DHRSX: variants seen among roughly 807,000 people sequenced by gnomAD.
DHRSX encodes the protein polyprenol dehydrogenase.
Under a neutral mutation model 34.0 loss-of-function variants are expected in DHRSX, and 31 were observed. That is an observed-to-expected ratio of 0.91 (90% CI 0.69 to 1.23). The LOEUF (loss-of-function observed/expected upper bound fraction) is 1.23, where lower values mean the gene tolerates loss of function less well. Ranked by LOEUF, DHRSX falls within the 50% of genes most tolerant of loss-of-function variation. The probability of loss-of-function intolerance (pLI) is 0.00; values close to 1 mark genes in which losing one functional copy is unlikely to be tolerated. For missense variants in DHRSX, 414 were observed against 428.1 expected, an observed-to-expected ratio of 0.97 and a Z score of 0.29; for synonymous variants, 201 against 183.8, an observed-to-expected ratio of 1.09 and a Z score of -0.76.
At chrX:2,483,804 A>G (rs2044812597) in intron 1 of DHRSX, among the ~76,000 whole-genome samples, 1 of 151,872 alleles carries the variant, frequency 6.6e-6, no homozygotes, top group Non-Finnish European at 1.5e-5. Flanking sequence ...AAAAAAAAAA[A>G]AAAAAGTAGT....
At chrX:2,274,201 C>T (rs2041594584) in intron 4 of DHRSX, among the ~76,000 whole-genome samples, 2 of 151,624 alleles carry the variant, frequency 1.3e-5, no homozygotes, top group South Asian at 4.2e-4. Flanking sequence ...CGATGGCCAG[C>T]TATTTTTTGT....
intron 1 of DHRSX, chrX:2,490,597 C>T (rs773815843): frequency 2.5e-6 from 4 of 1,613,996 alleles, no homozygotes; most frequent in Admixed American, 1.7e-5. Context: ...TTTTCTTCCA[C>T]TGCAGGATGC....
intron 5 of DHRSX, among the ~76,000 whole-genome samples, chrX:2,246,981 C>A (rs2016313103): frequency 6.6e-6 from 1 of 152,128 alleles, no homozygotes; most frequent in African/African-American, 2.4e-5. Flanking sequence ...AGGAGTCTTG[C>A]TCTGTCACCC....
chrX:2,285,055 G>A (rs1370939375), intron 4 of DHRSX, among the ~76,000 whole-genome samples: 1 of 152,070 alleles, frequency 6.6e-6, no homozygotes, highest in Admixed American at 6.6e-5. Flanking sequence ...AATAGTTTAG[G>A]GCAGCAGTCT....
chrX:2,265,553 C>A (rs1423350021), intron 5 of DHRSX, among the ~76,000 whole-genome samples: 1 of 137,502 alleles, frequency 7.3e-6, no homozygotes, highest in Non-Finnish European at 1.6e-5. Flanking sequence ...CCCCAGAGCA[C>A]CAGTGCTCAG....
intron 1 of DHRSX, among the ~76,000 whole-genome samples, chrX:2,433,897 C>A (rs1350005047): frequency 6.6e-6 from 1 of 152,156 alleles, no homozygotes; most frequent in East Asian, 1.9e-4. Flanking sequence ...ACCTCAGCCT[C>A]CCGAGTAGCT....
At chrX:2,355,511 TAAAA>T (rs767512287) in intron 3 of DHRSX, among the ~76,000 whole-genome samples, 89 of 75,258 alleles carry the variant, frequency 1.2e-3, no homozygotes, top group Admixed American at 5.2e-3. Context: ...AGACCCCATC[TAAAA>T]AAAAAAAAAA....
At position 2,241,128 on chromosome X, in the gene DHRSX, G is replaced by A. The variant is rs1055825554; in HGVS notation, c.804+1895C>T. Reference sequence around the variant, plus strand: ...GAACCCGGGAGGCAGAGGCTGCAGCGAGCCGAGATCACACCACGGCACTCC... The same window carrying A: ...GAACCCGGGAGGCAGAGGCTGCAGCAAGCCGAGATCACACCACGGCACTCC... On this transcript the variant is annotated intron_variant, in intron 6 of 6. Coordinates refer to ENST00000334651, the MANE Select transcript of DHRSX (RefSeq NM_145177.3). 6.0e-5 allele frequency among the ~76,000 whole-genome samples: 9 copies of A among 150,172 alleles called. No homozygotes were observed. The East Asian group carries it at 1.0e-3, about 17-fold the overall frequency.
chrX:2,459,383 G>A (rs951028317), intron 1 of DHRSX, among the ~76,000 whole-genome samples: 1 of 151,674 alleles, frequency 6.6e-6, no homozygotes, highest in African/African-American at 2.4e-5. Flanking sequence ...TTGTTAATAT[G>A]TTAATTAGGT....
chrX:2,439,925 C>T (rs182534186), intron 1 of DHRSX, among the ~76,000 whole-genome samples: 39 of 152,150 alleles, frequency 2.6e-4, no homozygotes, highest in Middle Eastern at 3.4e-3. Flanking sequence ...GGCTGGGGAC[C>T]GGTACTGGAT....
At position 2,299,014 on chromosome X, in the gene DHRSX, A is replaced by AAAAAAAAT. The variant is rs1191716751; in HGVS notation, c.287-7412_287-7411insATTTTTTT. ...AAAAAAAAAAAAAAAAAAAAAAAAA[A>AAAAAAAAT]TGGGAAAAATGTGGAAGGATTCCTT... On this transcript the variant is annotated intron_variant, in intron 3 of 6. Transcript: ENST00000334651. Among the ~76,000 whole-genome samples the AAAAAAAAT allele has an allele frequency of 1.3e-3, 166 of 131,564 alleles. 13 individuals carry two copies. Among genetic ancestry groups the AAAAAAAAT allele is most frequent in the African/African-American group, 4.7e-3 (152 of 32,394 alleles). 86.3% of individuals were successfully genotyped at this position (131,564 alleles called of 152,430 possible).
chrX:2,388,845 A>G (rs1438231976), intron 3 of DHRSX, among the ~76,000 whole-genome samples: 1 of 151,720 alleles, frequency 6.6e-6, no homozygotes, highest in Non-Finnish European at 1.5e-5. Flanking sequence ...CATCCAGCCT[A>G]TGGTATTCTG....
At position 2,359,854 on chromosome X, in the gene DHRSX, T is replaced by C. The variant is rs749861826; in HGVS notation, c.286+48891A>G. Among the ~76,000 whole-genome samples, 7 of 152,146 alleles carry C rather than the reference T, an allele frequency of 4.6e-5. No homozygotes were observed. The East Asian group carries it at 1.3e-3, about 29-fold the overall frequency. On this transcript the variant is annotated intron_variant, in intron 3 of 6. Coordinates refer to ENST00000334651, the MANE Select transcript of DHRSX (RefSeq NM_145177.3). ...AACCAAATTACTACATGTTCTCACT[T>C]ATAAGTGAGAGCTAAATGATGAGAA...
intron 3 of DHRSX, among the ~76,000 whole-genome samples, chrX:2,395,034 G>A (rs1175534966): frequency 6.6e-6 from 1 of 152,100 alleles, no homozygotes; most frequent in Non-Finnish European, 1.5e-5. Flanking sequence ...CGAGTCCCAG[G>A]TGAGGATCAG....
At chrX:2,400,278 C>T (rs2043469906) in intron 3 of DHRSX, among the ~76,000 whole-genome samples, 1 of 152,202 alleles carries the variant, frequency 6.6e-6, no homozygotes, top group East Asian at 1.9e-4. Flanking sequence ...GGGAGAATTC[C>T]ATGCCATCAA....
At chrX:2,429,778 A>G (rs1956959257) in intron 1 of DHRSX, among the ~76,000 whole-genome samples, 1 of 152,072 alleles carries the variant, frequency 6.6e-6, no homozygotes, top group Admixed American at 6.6e-5. Flanking sequence ...CTTATCCAAC[A>G]TGGTCAGACA....
At chrX:2,464,695 G>C (rs1206906076) in intron 1 of DHRSX, among the ~76,000 whole-genome samples, 2 of 148,778 alleles carry the variant, frequency 1.3e-5, no homozygotes, top group Admixed American at 6.7e-5. Flanking sequence ...ATGCAGCCAA[G>C]GGAGGGCACT....
At chrX:2,307,441 G>C (rs1468522540) in intron 3 of DHRSX, among the ~76,000 whole-genome samples, 1 of 151,914 alleles carries the variant, frequency 6.6e-6, no homozygotes, top group Non-Finnish European at 1.5e-5. Context: ...AAAGCTGCAC[G>C]TGTACCTCAT....
intron 3 of DHRSX, among the ~76,000 whole-genome samples, chrX:2,313,685 T>C (rs2042191398): frequency 6.6e-6 from 1 of 152,098 alleles, no homozygotes; most frequent in Non-Finnish European, 1.5e-5. Flanking sequence ...TAATTGTTGA[T>C]GAAAAGAGTC....
Sources: gnomAD v4.1 joint callset for allele counts (sites outside exome capture counted in the v4.1 genomes callset) on GRCh38, gnomAD v4.1.1 for gene constraint, MANE v1.5 for transcripts, NCBI Gene and HGNC (gene_info 2026-07-23, HGNC 2026-07-21) for gene names.